The following NPAS3 variants were observed in gnomAD, a reference collection of about 807,000 sequenced individuals.
NPAS3 encodes the protein neuronal PAS domain-containing protein 3.
A neutral mutation model predicts 73.1 loss-of-function variants in NPAS3; 14 were observed. That is an observed-to-expected ratio of 0.19 (90% CI 0.13 to 0.30). The LOEUF (loss-of-function observed/expected upper bound fraction) is 0.30. Among genes scored for constraint, NPAS3 ranks in the 10% least tolerant of loss-of-function variants. NPAS3 has a pLI of 1.00. For synonymous variants in NPAS3, 620 were observed against 541.5 expected, an observed-to-expected ratio of 1.14 and a Z score of -2.01; for missense variants, 1,096 against 1,250.0, an observed-to-expected ratio of 0.88 and a Z score of 1.86.
At chr14:33,329,820 G>T (rs2140271722) in intron 3 of NPAS3, among the ~76,000 whole-genome samples, 1 of 152,234 alleles carries the variant, frequency 6.6e-6, no homozygotes, top group African/African-American at 2.4e-5. Flanking sequence ...GAGTGTGTGT[G>T]TGTGTGAGAG....
intron 6 of NPAS3, among the ~76,000 whole-genome samples, chr14:33,701,492 C>T (rs1408627671): frequency 2.0e-5 from 3 of 152,212 alleles, no homozygotes; most frequent in Non-Finnish European, 2.9e-5. Flanking sequence ...TGGACCCTGG[C>T]TCCAAAAGAC....
chr14:33,061,840 A>C (rs1435707162), intron 2 of NPAS3, among the ~76,000 whole-genome samples: 4 of 152,196 alleles, frequency 2.6e-5, no homozygotes, highest in Non-Finnish European at 5.9e-5. Flanking sequence ...CCTCAGGAGA[A>C]ATAAGTGTCA....
At chr14:33,210,784 T>C (rs2047002223) in intron 2 of NPAS3, among the ~76,000 whole-genome samples, 1 of 152,120 alleles carries the variant, frequency 6.6e-6, no homozygotes, top group African/African-American at 2.4e-5. Flanking sequence ...AAAGGCTCCT[T>C]ATGATCCTGC....
intron 1 of NPAS3, among the ~76,000 whole-genome samples, chr14:32,957,728 A>T (rs2139193954): frequency 6.6e-6 from 1 of 152,258 alleles, no homozygotes; most frequent in Non-Finnish European, 1.5e-5. Context: ...TCTCTTAACA[A>T]TTTAGAAAGC....
chr14:33,687,057 G>A (rs2060109461), intron 6 of NPAS3, among the ~76,000 whole-genome samples: 1 of 152,166 alleles, frequency 6.6e-6, no homozygotes, highest in South Asian at 2.1e-4. Flanking sequence ...GCCTTGCAAA[G>A]GAAGAAACGA....
chr14:33,706,943 T>C (rs1449961271), intron 6 of NPAS3, among the ~76,000 whole-genome samples: 1 of 152,208 alleles, frequency 6.6e-6, no homozygotes, highest in Non-Finnish European at 1.5e-5. Context: ...AAGAAAAGGC[T>C]ATCTTTAAGA....
chr14:33,562,596 A>G (rs147740603), intron 5 of NPAS3, among the ~76,000 whole-genome samples: 1 of 152,320 alleles, frequency 6.6e-6, no homozygotes, highest in East Asian at 1.9e-4. Flanking sequence ...TTTTGCGTAT[A>G]CCAGTTTATG....
chr14:33,762,099 A>G (rs778799967), intron 7 of NPAS3, among the ~76,000 whole-genome samples: 101 of 152,364 alleles, frequency 6.6e-4, no homozygotes, highest in Non-Finnish European at 1.3e-3. Context: ...ATAACATACC[A>G]AAAGGACTCT....
rs528972087 is a variant in NPAS3 at position 33,586,758 on chromosome 14, G to A, written c.558+26548G>A. Among the ~76,000 whole-genome samples, 75 of 152,202 alleles carry A rather than the reference G, an allele frequency of 4.9e-4. 2 individuals carry two copies. The highest frequency in any genetic ancestry group is 1.7e-3 in the Admixed American group (26 of 15,292). Reference sequence around the variant, plus strand: ...GTAGGTGAACAAACACGTATGTTTCGACTTTATTTGGCATTGCTGGGCCAT... The same window carrying A: ...GTAGGTGAACAAACACGTATGTTTCAACTTTATTTGGCATTGCTGGGCCAT... On this transcript the variant is annotated intron_variant, in intron 5 of 11. Transcript: ENST00000356141.
rs115574813 is a variant in NPAS3, at chr14:33,546,883, T to C, written c.469-13238T>C. Among the ~76,000 whole-genome samples the C allele has an allele frequency of 1.8e-3, 268 of 152,312 alleles. 2 individuals carry two copies. Among genetic ancestry groups the C allele is most frequent in the African/African-American group, 6.3e-3 (261 of 41,568 alleles). ...ACTGCAGACCTATGTCTACGTCTAG[T>C]ACATTAGGCCTGCCTTGTGGGTCAT... On this transcript the variant is annotated intron_variant, in intron 4 of 11. Transcript: ENST00000356141.
intron 4 of NPAS3, among the ~76,000 whole-genome samples, chr14:33,516,517 G>A (rs1431329097): frequency 6.6e-6 from 1 of 152,140 alleles, no homozygotes; most frequent in Non-Finnish European, 1.5e-5. Context: ...AGAGAGTGGA[G>A]AACCAGAGTC....
intron 2 of NPAS3, among the ~76,000 whole-genome samples, chr14:33,127,514 T>C (rs2043472872): frequency 6.6e-6 from 1 of 152,122 alleles, no homozygotes; most frequent in African/African-American, 2.4e-5. Context: ...TGTCTCTACT[T>C]GTGTTACTTT....
intron 2 of NPAS3, among the ~76,000 whole-genome samples, chr14:33,102,103 A>T (rs965546682): frequency 6.6e-6 from 1 of 152,070 alleles, no homozygotes; most frequent in African/African-American, 2.4e-5. Context: ...TGCCTGAATC[A>T]ACCTCTTTTT....
chr14:33,664,123 A>G (rs1349676007), intron 5 of NPAS3, among the ~76,000 whole-genome samples: 2 of 152,158 alleles, frequency 1.3e-5, no homozygotes, highest in East Asian at 3.9e-4. Flanking sequence ...GAACTATACT[A>G]CAATGCTACA....
intron 1 of NPAS3, among the ~76,000 whole-genome samples, chr14:33,008,754 C>A (rs979873554): frequency 6.6e-6 from 1 of 152,032 alleles, no homozygotes; most frequent in Admixed American, 6.6e-5. Flanking sequence ...ATTGCGTAGG[C>A]CTTGGATGTA....
At chr14:33,200,233 T>G (rs185142849) in intron 2 of NPAS3, among the ~76,000 whole-genome samples, 1 of 151,560 alleles carries the variant, frequency 6.6e-6, no homozygotes, top group African/African-American at 2.4e-5. Context: ...GCAGTTACTT[T>G]TGCACCAACC....
At chr14:33,698,299 T>A (rs1038201164) in intron 6 of NPAS3, among the ~76,000 whole-genome samples, 10 of 152,270 alleles carry the variant, frequency 6.6e-5, no homozygotes, top group African/African-American at 2.4e-4. Context: ...ATTCTGCTTT[T>A]AGGAACACAA....
chr14:33,432,465 C>G (rs575668407), intron 4 of NPAS3, among the ~76,000 whole-genome samples: 2 of 152,120 alleles, frequency 1.3e-5, no homozygotes, highest in Middle Eastern at 3.2e-3. Context: ...ATTACAATCT[C>G]TAGGAAAATG....
chr14:33,443,562 C>G (rs905257362), intron 4 of NPAS3, among the ~76,000 whole-genome samples: 1 of 152,166 alleles, frequency 6.6e-6, no homozygotes, highest in Non-Finnish European at 1.5e-5. Flanking sequence ...CCTCCACACA[C>G]GCTAAGGAGC....
Sources: allele counts gnomAD v4.1 joint callset (sites outside exome capture counted in the v4.1 genomes callset), GRCh38; gene constraint gnomAD v4.1.1; transcripts MANE v1.5; gene names NCBI Gene and HGNC (gene_info 2026-07-23, HGNC 2026-07-21).